Variants in ASTN2 observed in about 807,000 individuals in gnomAD.
The protein encoded by ASTN2 is astrotactin-2.
Under a neutral mutation model 139.8 loss-of-function variants are expected in ASTN2, and 54 were observed. The ratio of observed to expected loss-of-function variants is 0.39; its 90% CI spans 0.31 to 0.48. The LOEUF is 0.48. ASTN2 is among the 20% of genes least tolerant of loss of function. ASTN2 has a pLI of 0.95. For missense variants in ASTN2, 1,565 were observed against 1,725.1 expected (o/e 0.91, Z 1.64); for synonymous variants, 756 against 719.5 (o/e 1.05, Z -0.81).
chr9:117,210,896 G>C (rs1832099899), intron 3 of ASTN2, among the ~76,000 whole-genome samples: 1 of 148,360 alleles, frequency 6.7e-6, no homozygotes, highest in Admixed American at 6.8e-5. Flanking sequence ...GATAATATAT[G>C]CAAATCAATA....
chr9:117,287,340 C>A (rs1471220154), intron 2 of ASTN2, among the ~76,000 whole-genome samples: 1 of 152,128 alleles, frequency 6.6e-6, no homozygotes, highest in African/African-American at 2.4e-5. Context: ...TCATAAAATA[C>A]CCATGGATTC....
intron 5 of ASTN2, among the ~76,000 whole-genome samples, chr9:117,082,808 A>G (rs1488239460): frequency 6.6e-6 from 1 of 152,206 alleles, no homozygotes; most frequent in Non-Finnish European, 1.5e-5. Context: ...CTCAAAAAAC[A>G]AAACAAAGCA....
intron 5 of ASTN2, among the ~76,000 whole-genome samples, chr9:117,071,936 G>C (rs1272350931): frequency 2.0e-5 from 3 of 152,082 alleles, no homozygotes; most frequent in Non-Finnish European, 4.4e-5. Context: ...GATGAACCCG[G>C]TACCTCAGAT....
Position 117,276,561 on chromosome 9 carries a change from C to T in ASTN2, c.630+14765G>A, listed in dbSNP as rs367842406. ...CTGAGACAGGGCAGGCCTCTGGACA[C>T]TTCATTAGGGGAACATCAGGACACA... On this transcript the variant is annotated intron_variant, in intron 2 of 22. Coordinates refer to ENST00000313400, the MANE Select transcript of ASTN2 (RefSeq NM_001365068.1). Among the ~76,000 whole-genome samples, 95 of 152,332 alleles carry T rather than the reference C, an allele frequency of 6.2e-4. 2 individuals are homozygous for T. In the South Asian group the frequency reaches 0.019, roughly 31 times the overall value.
intron 19 of ASTN2, among the ~76,000 whole-genome samples, chr9:116,501,167 A>G (rs1196200082): frequency 6.6e-6 from 1 of 152,204 alleles, no homozygotes; most frequent in Non-Finnish European, 1.5e-5. Context: ...AAGTCTGACC[A>G]GGACTCCCCA....
chr9:116,584,771 G>A (rs1854082253), intron 19 of ASTN2: 1 of 152,170 alleles, frequency 6.6e-6, no homozygotes, highest in Admixed American at 6.5e-5. Flanking sequence ...GTTTGCAGAT[G>A]ACATGATCAT....
At chr9:117,104,958 C>T (rs1274287896) in intron 4 of ASTN2, among the ~76,000 whole-genome samples, 1 of 152,160 alleles carries the variant, frequency 6.6e-6, no homozygotes, top group Non-Finnish European at 1.5e-5. Context: ...TAAATAACTA[C>T]TTACGAGGGA....
intron 20 of ASTN2, among the ~76,000 whole-genome samples, chr9:116,460,548 G>A (rs745416460): frequency 6.6e-6 from 1 of 151,972 alleles, no homozygotes; most frequent in African/African-American, 2.4e-5. Context: ...AACCCTTTGC[G>A]CGTATTTCCT....
chr9:116,819,055 G>A (rs1317120901), intron 12 of ASTN2, among the ~76,000 whole-genome samples: 1 of 152,224 alleles, frequency 6.6e-6, no homozygotes, highest in Non-Finnish European at 1.5e-5. Flanking sequence ...TTATGGCTAA[G>A]GGAGAGTGGC....
intron 7 of ASTN2, among the ~76,000 whole-genome samples, chr9:116,994,263 A>C (rs1375624314): frequency 2.0e-5 from 3 of 152,200 alleles, no homozygotes; most frequent in Non-Finnish European, 4.4e-5. Context: ...TAAGCTAATG[A>C]GCATGGCTGT....
At chr9:116,712,461 T>C (rs1828189364) in intron 16 of ASTN2, among the ~76,000 whole-genome samples, 1 of 152,206 alleles carries the variant, frequency 6.6e-6, no homozygotes, top group African/African-American at 2.4e-5. Flanking sequence ...GCACAGTACC[T>C]GAAACATAGT....
intron 17 of ASTN2, among the ~76,000 whole-genome samples, chr9:116,636,712 T>G (rs142822978): frequency 3.9e-5 from 6 of 152,192 alleles, no homozygotes; most frequent in Middle Eastern, 3.4e-3. Context: ...AAGATGTACT[T>G]AGACATACTG....
chr9:116,890,723 C>A (rs1215127851), intron 10 of ASTN2, among the ~76,000 whole-genome samples: 1 of 152,114 alleles, frequency 6.6e-6, no homozygotes, highest in African/African-American at 2.4e-5. Context: ...ATGTTTAAAG[C>A]TCCCCAGGGT....
At chr9:116,559,165 T>C (rs1328776271) in intron 19 of ASTN2, among the ~76,000 whole-genome samples, 2 of 152,112 alleles carry the variant, frequency 1.3e-5, no homozygotes, top group African/African-American at 4.8e-5. Flanking sequence ...TCCTCTTCCA[T>C]ATGTGTTAAA....
intron 1 of ASTN2, among the ~76,000 whole-genome samples, chr9:117,342,736 T>G (rs1829099746): frequency 6.6e-6 from 1 of 152,270 alleles, no homozygotes; most frequent in African/African-American, 2.4e-5. Flanking sequence ...TCCAACACGG[T>G]TTTATATAGA....
chr9:117,096,405 T>C (rs1207807323), intron 4 of ASTN2, among the ~76,000 whole-genome samples: 1 of 152,220 alleles, frequency 6.6e-6, no homozygotes, highest in Non-Finnish European at 1.5e-5. Context: ...CCCTGGGTTC[T>C]GTCTCTCTAA....
intron 13 of ASTN2, among the ~76,000 whole-genome samples, chr9:116,763,605 C>G (rs1262368329): frequency 6.6e-6 from 1 of 151,960 alleles, no homozygotes; most frequent in Non-Finnish European, 1.5e-5. Context: ...GATGTAGAGT[C>G]AGCTAGACCT....
At chr9:116,892,633 C>T (rs1833792160) in intron 10 of ASTN2, among the ~76,000 whole-genome samples, 1 of 151,988 alleles carries the variant, frequency 6.6e-6, no homozygotes, top group Non-Finnish European at 1.5e-5. Context: ...TGCTGGAAGG[C>T]ATTTGGACAA....
At chr9:116,711,132 G>A (rs1313512523) in intron 16 of ASTN2, among the ~76,000 whole-genome samples, 1 of 152,200 alleles carries the variant, frequency 6.6e-6, no homozygotes, top group Non-Finnish European at 1.5e-5. Flanking sequence ...TTAGCTAAAT[G>A]TAAGGTGCAA....
Sources: gnomAD v4.1 joint callset for allele counts (sites outside exome capture counted in the v4.1 genomes callset) on GRCh38, gnomAD v4.1.1 for gene constraint, MANE v1.5 for transcripts, NCBI Gene and HGNC (gene_info 2026-07-23, HGNC 2026-07-21) for gene names.